Variants in CDC42BPA observed in about 807,000 individuals in gnomAD.
CDC42BPA encodes CDC42 binding protein kinase alpha, also known as serine/threonine-protein kinase MRCK alpha.
CDC42BPA carries 80 observed loss-of-function variants against 223.5 expected under a neutral mutation model. The ratio of observed to expected loss-of-function variants is 0.36; its 90% confidence interval spans 0.30 to 0.43. The LOEUF (loss-of-function observed/expected upper bound fraction) is 0.43, where lower values mean the gene tolerates loss of function less well. Among genes scored for constraint, CDC42BPA ranks in the 20% least tolerant of loss-of-function variants. CDC42BPA has a pLI of 1.00. For synonymous variants in CDC42BPA, 694 were observed against 718.6 expected (o/e 0.97, Z 0.55); for missense variants, 1,743 against 2,099.9 (o/e 0.83, Z 3.32).
At chr1:227,132,707 A>C (rs1571868403) in intron 10 of CDC42BPA, among the ~76,000 whole-genome samples, 1 of 146,642 alleles carries the variant, frequency 6.8e-6, no homozygotes, top group East Asian at 2.0e-4. Context: ...CCCCACCACC[A>C]TCCCATCTAG....
intron 12 of CDC42BPA, among the ~76,000 whole-genome samples, chr1:227,119,511 TTTC>T (rs1688293582): frequency 6.6e-6 from 1 of 152,058 alleles, no homozygotes; most frequent in African/African-American, 2.4e-5. Context: ...TTTCTACTAT[TTTC>T]TTATTTCTTC....
intron 1 of CDC42BPA, among the ~76,000 whole-genome samples, chr1:227,305,682 T>C (rs1193639362): frequency 6.6e-5 from 10 of 152,018 alleles, no homozygotes. Context: ...TATCATAGCA[T>C]CTGCCGGGAG....
intron 1 of CDC42BPA, among the ~76,000 whole-genome samples, chr1:227,290,431 T>C (rs1271244056): frequency 1.3e-5 from 2 of 151,630 alleles, no homozygotes; most frequent in East Asian, 3.8e-4. Context: ...ATAGACATAA[T>C]ACTTTACTGT....
At position 227,112,897 on chromosome 1, in the gene CDC42BPA, C is replaced by A; in HGVS notation, c.1664G>T (p.Ser555Ile). 6.2e-7 allele frequency: 1 copy of A among 1,613,890 alleles called. No homozygotes were observed. The highest frequency in any genetic ancestry group is 8.5e-7 in the Non-Finnish European group (1 of 1,179,922). The part of the protein sequence containing the change: ...EDLNKELVQA[S>I]ERLKNQSKEL... ...TTTGGATTGGTTTTTTAATCGCTCA[C>A]TAGCCTGGACTAGTTCCTACAGTTT... The change falls in exon 13 of 37, where the codon AGT (serine) becomes ATT (isoleucine). Residue 555 changes from serine to isoleucine, a missense_variant. Physicochemically the swap from Ser to Ile is moderately radical, Grantham distance 142. Transcript: ENST00000366766.
In CDC42BPA at chr1:227,026,112, T is replaced by G. The variant is rs1668198746; in HGVS notation, c.4473A>C (p.Ala1491=). The G allele has an allele frequency of 6.2e-7, 1 of 1,608,246 alleles. No individual in the cohort carries two copies. Among genetic ancestry groups the G allele is most frequent in the Non-Finnish European group, 8.5e-7 (1 of 1,176,502 alleles). Residue 1491 remains alanine (A), a synonymous_variant, in exon 31 of 37, where the codon GCA becomes GCC. Coordinates refer to ENST00000366766, the MANE Select transcript of CDC42BPA (RefSeq NM_001394014.1). ...APYLSVYSEN[A]VDIFDVNSME... ...TGGAGTTCACATCAAAGATATCAAC[T>G]GCATTTTCACTGTACACCGAGAGAT... is the stretch of plus-strand genomic sequence containing the variant.
intron 9 of CDC42BPA, among the ~76,000 whole-genome samples, chr1:227,142,567 A>G (rs1659884992): frequency 6.6e-6 from 1 of 151,840 alleles, no homozygotes; most frequent in Non-Finnish European, 1.5e-5. Context: ...TTTCTCATAC[A>G]TCTTTTACGA....
chr1:227,264,546 G>T (rs1317428641), intron 1 of CDC42BPA, among the ~76,000 whole-genome samples: 2 of 145,718 alleles, frequency 1.4e-5, no homozygotes, highest in African/African-American at 5.6e-5. Flanking sequence ...ATACATTTTA[G>T]GAGAGTTAAT....
intron 1 of CDC42BPA, among the ~76,000 whole-genome samples, chr1:227,265,821 A>T (rs2148414022): frequency 6.6e-6 from 1 of 152,324 alleles, no homozygotes. Flanking sequence ...ATGTATTTTT[A>T]AAAACTGATG....
rs1422346872 is a variant in CDC42BPA at position 227,160,782 on chromosome 1, T to C, written c.600-146A>G. On this transcript the variant is annotated intron_variant, in intron 5 of 36. Transcript: ENST00000366766. ...TATTTAATTACTTTATTAATTCAAA[T>C]CCTGGTTCTGATTCATATTAAAACT... 7.2e-6 allele frequency: 4 copies of C among 554,590 alleles called. No individual in the cohort carries two copies. The East Asian group carries it at 1.2e-4, about 17-fold the overall frequency. The allele number at this position is 554,590 out of a possible 1,614,324, so 34.4% of individuals were successfully genotyped here. A position where few individuals can be genotyped will look rare whatever the true frequency, so the allele number is the denominator to read the frequency against.
intron 1 of CDC42BPA, among the ~76,000 whole-genome samples, chr1:227,262,245 TAA>T (rs1684204831): frequency 6.6e-6 from 1 of 151,844 alleles, no homozygotes; most frequent in Non-Finnish European, 1.5e-5. Flanking sequence ...ATTAACCAAG[TAA>T]AACAAGAAAT....
At chr1:227,165,784 GC>G (rs1447216904) in intron 5 of CDC42BPA, among the ~76,000 whole-genome samples, 2 of 152,130 alleles carry the variant, frequency 1.3e-5, no homozygotes, top group Non-Finnish European at 2.9e-5. Context: ...GAGATATGGG[GC>G]TAAATAACTT....
chr1:227,049,129 AAAGAT>A (rs1343235152), intron 22 of CDC42BPA, among the ~76,000 whole-genome samples: 3 of 152,044 alleles, frequency 2.0e-5, no homozygotes, highest in African/African-American at 7.2e-5. Flanking sequence ...GATACATATG[AAAGAT>A]AAAAGAGAGG....
intron 2 of CDC42BPA, among the ~76,000 whole-genome samples, chr1:227,233,334 G>GC (rs1678386644): frequency 3.9e-5 from 6 of 152,054 alleles, no homozygotes; most frequent in Admixed American, 3.3e-4. Flanking sequence ...ACCACGCCCG[G>GC]CCTCTATTTC....
Position 227,034,648 on chromosome 1 carries a change from C to CTCT in CDC42BPA, c.3476+4_3476+6dup. On this transcript the variant is annotated splice_region_variant and intron_variant, in intron 26 of 36. Coordinates refer to ENST00000366766, the MANE Select transcript of CDC42BPA (RefSeq NM_001394014.1). ...TGATACAAATAATTTTACCTTCAAA[C>CTCT]TCTTACCTCATGTCAATCACTTGAC... The CTCT allele has an allele frequency of 6.3e-7, 1 of 1,598,990 alleles. No homozygotes were observed. Among genetic ancestry groups the CTCT allele is most frequent in the Admixed American group, 1.7e-5 (1 of 57,866 alleles).
At chr1:227,000,789 AGGTT>A (rs1662658414) in intron 35 of CDC42BPA, among the ~76,000 whole-genome samples, 1 of 151,890 alleles carries the variant, frequency 6.6e-6, no homozygotes, top group Middle Eastern at 3.2e-3. Context: ...TTTCAAAGAA[AGGTT>A]ACATTCAAAC....
chr1:227,245,140 A>G (rs1680687149), intron 2 of CDC42BPA, among the ~76,000 whole-genome samples: 2 of 152,184 alleles, frequency 1.3e-5, no homozygotes, highest in African/African-American at 4.8e-5. Context: ...GCTTAGAGCC[A>G]GTGAACTAGG....
chr1:227,042,506 T>G (rs1286253834), intron 23 of CDC42BPA, among the ~76,000 whole-genome samples: 1 of 152,160 alleles, frequency 6.6e-6, no homozygotes, highest in Non-Finnish European at 1.5e-5. Context: ...CGGGTTTATA[T>G]TTCACTAATC....
At chr1:227,186,597 T>C (rs888296539) in intron 5 of CDC42BPA, among the ~76,000 whole-genome samples, 4 of 152,124 alleles carry the variant, frequency 2.6e-5, no homozygotes, top group African/African-American at 4.8e-5. Context: ...TCACTAAAGA[T>C]TGGGACCTAA....
intron 1 of CDC42BPA, among the ~76,000 whole-genome samples, chr1:227,307,169 C>T (rs1329445046): frequency 1.3e-5 from 2 of 152,124 alleles, no homozygotes; most frequent in East Asian, 3.8e-4. Context: ...ATAAACTCCT[C>T]GAAGTCATGT....
Sources: allele counts gnomAD v4.1 joint callset (sites outside exome capture counted in the v4.1 genomes callset), GRCh38; gene constraint gnomAD v4.1.1; transcripts MANE v1.5; gene names NCBI Gene and HGNC (gene_info 2026-07-23, HGNC 2026-07-21).